Variants in ZNF638 observed in about 807,000 individuals in gnomAD.
ZNF638 encodes the protein CTCL tumor antigen se33-1.
Under a neutral mutation model 195.6 loss-of-function variants are expected in ZNF638, and 46 were observed. That is an observed-to-expected ratio of 0.24 (90% confidence interval 0.19 to 0.30). The LOEUF is 0.30. Ranked by LOEUF, ZNF638 falls within the 10% of genes least tolerant of loss-of-function variation. The probability of loss-of-function intolerance (pLI) is 1.00; values close to 1 mark genes in which losing one functional copy is unlikely to be tolerated. For missense variants in ZNF638, 2,440 were observed against 2,325.3 expected (o/e 1.05, Z -1.01); for synonymous variants, 845 against 772.0 (o/e 1.09, Z -1.57).
chr2:71,401,259 T>TC (rs370287002), intron 15 of ZNF638, among the ~76,000 whole-genome samples: 1 of 152,230 alleles, frequency 6.6e-6, no homozygotes, highest in African/African-American at 2.4e-5. Context: ...TTAGAAATTT[T>TC]CCCAGTAAGC....
At chr2:71,342,392 C>T (rs1047989827) in intron 1 of ZNF638, among the ~76,000 whole-genome samples, 1 of 152,042 alleles carries the variant, frequency 6.6e-6, no homozygotes, top group Non-Finnish European at 1.5e-5. Flanking sequence ...CACCACCGCC[C>T]CTTGCCCCAC....
chr2:71,372,972 T>C (rs1373944706), intron 8 of ZNF638, among the ~76,000 whole-genome samples: 2 of 152,234 alleles, frequency 1.3e-5, no homozygotes, highest in Admixed American at 6.5e-5. Context: ...TAACACCTTG[T>C]GTACCTTCAC....
At chr2:71,358,324 T>C (rs1292559577) in intron 3 of ZNF638, among the ~76,000 whole-genome samples, 3 of 152,190 alleles carry the variant, frequency 2.0e-5, no homozygotes, top group Non-Finnish European at 4.4e-5. Flanking sequence ...TTGGAACATA[T>C]ATATGTATGT....
At chr2:71,348,492 TCAGCACCTAGGA>T (rs2104169184) in intron 1 of ZNF638, 1 of 1,070,178 alleles carries the variant, frequency 9.3e-7, no homozygotes, top group Non-Finnish European at 1.1e-6. Context: ...TAATTACTGC[TCAGCACCTAGGA>T]CAGCACCCAG....
At chr2:71,374,246 G>A (rs1315198634) in intron 8 of ZNF638, among the ~76,000 whole-genome samples, 2 of 152,134 alleles carry the variant, frequency 1.3e-5, no homozygotes, top group African/African-American at 4.8e-5. Flanking sequence ...TCCAAAATGG[G>A]AGCCAGTTAG....
chr2:71,418,567 G>A, intron 20 of ZNF638, 35 bp from the exon 21 acceptor site: 2 of 1,443,306 alleles, frequency 1.4e-6, no homozygotes, highest in Non-Finnish European at 1.9e-6. Flanking sequence ...AAATCCAGTG[G>A]AATAGCCTCT....
chr2:71,362,487 C>G (rs57713928), intron 3 of ZNF638, among the ~76,000 whole-genome samples: 2 of 152,086 alleles, frequency 1.3e-5, no homozygotes, highest in Non-Finnish European at 2.9e-5. Flanking sequence ...TAAGGCTCTT[C>G]GTAATTTGTC....
chr2:71,380,709 A>C (rs903422336), intron 10 of ZNF638, 144 bp downstream of exon 10: 15 of 551,358 alleles, frequency 2.7e-5, no homozygotes, highest in South Asian at 2.1e-4. Flanking sequence ...TGTATTAAGC[A>C]GGCGGTTAAT....
At chr2:71,346,478 G>C (rs1200120850) in intron 1 of ZNF638, among the ~76,000 whole-genome samples, 1 of 152,180 alleles carries the variant, frequency 6.6e-6, no homozygotes, top group Non-Finnish European at 1.5e-5. Context: ...CTGTGTATTT[G>C]ATGTGTTTTT....
intron 1 of ZNF638, among the ~76,000 whole-genome samples, chr2:71,339,429 G>T (rs1019869285): frequency 6.6e-6 from 1 of 152,176 alleles, no homozygotes; most frequent in Non-Finnish European, 1.5e-5. Context: ...GGGATTACAG[G>T]CATGAGCCAC....
chr2:71,434,003 C>T (rs1191829969), intron 27 of ZNF638, among the ~76,000 whole-genome samples: 1 of 152,130 alleles, frequency 6.6e-6, no homozygotes, highest in African/African-American at 2.4e-5. Context: ...CATTCTAGGC[C>T]CAAGCTCTTA....
intron 2 of ZNF638, among the ~76,000 whole-genome samples, chr2:71,353,410 A>C (rs943378573): frequency 6.6e-6 from 1 of 152,330 alleles, no homozygotes; most frequent in Non-Finnish European, 1.5e-5. Context: ...TTTCAGTTTC[A>C]TTCTGAGCCT....
rs748269688 is a variant in ZNF638, at chr2:71,426,526, CCTT to C, written c.4660_4662del (p.Ser1554del). On this transcript the variant is annotated inframe_deletion, in exon 24 of 28. Coordinates refer to ENST00000264447, the MANE Select transcript of ZNF638 (RefSeq NM_014497.5). ...GGATGAGGTTATAGAAGAAGTGAATCCTTCTCAGGCCAAGCAGAATCCACTAAA... is the reference window on the plus strand; with the variant it reads ...GGATGAGGTTATAGAAGAAGTGAATCCTCAGGCCAAGCAGAATCCACTAAA... 4 of 1,611,978 alleles carry C rather than the reference CCTT, an allele frequency of 2.5e-6. No individual in the cohort carries two copies. The highest frequency in any genetic ancestry group is 2.7e-5 in the African/African-American group (2 of 74,664).
rs752351024 is a variant in ZNF638, at chr2:71,402,104, A to C, written c.2829+17A>C. On this transcript the variant is annotated intron_variant, in intron 16 of 27. Coordinates refer to ENST00000264447, the MANE Select transcript of ZNF638 (RefSeq NM_014497.5). ...CATAAAAAGGTAAGAGTTGATTAAT[A>C]GCTGTTCATATCCTCTGCAAGCATG... 6.3e-7 allele frequency: 1 copy of C among 1,598,122 alleles called. No homozygotes were observed. Among genetic ancestry groups the C allele is most frequent in the African/African-American group, 1.3e-5 (1 of 74,182 alleles).
chr2:71,391,445 C>G (rs1333731994), intron 10 of ZNF638, among the ~76,000 whole-genome samples: 1 of 152,170 alleles, frequency 6.6e-6, no homozygotes, highest in Non-Finnish European at 1.5e-5. Context: ...GTAAATCAGG[C>G]TTTGCTCCCC....
intron 2 of ZNF638, among the ~76,000 whole-genome samples, chr2:71,351,674 A>G (rs1023682317): frequency 1.3e-5 from 2 of 152,222 alleles, no homozygotes; most frequent in Admixed American, 1.3e-4. Flanking sequence ...TTAATTTAGT[A>G]TGTACTTATG....
intron 26 of ZNF638, among the ~76,000 whole-genome samples, chr2:71,432,487 C>T (rs2080685634): frequency 6.6e-6 from 1 of 152,214 alleles, no homozygotes; most frequent in Non-Finnish European, 1.5e-5. Context: ...AGGCTTGAGC[C>T]ACTTCTCCCA....
At chr2:71,385,666 A>C (rs370985900) in intron 10 of ZNF638, among the ~76,000 whole-genome samples, 12 of 152,318 alleles carry the variant, frequency 7.9e-5, no homozygotes, top group Admixed American at 4.6e-4. Flanking sequence ...GTGTTGGTAG[A>C]TTGTATCAAT....
intron 10 of ZNF638, chr2:71,388,847 T>G (rs2079707085): frequency 1.5e-6 from 1 of 671,002 alleles, no homozygotes; most frequent in African/African-American, 1.8e-5. Context: ...AACAACTGCT[T>G]AAAGCTAGCA....
Sources: gnomAD v4.1 joint callset for allele counts (sites outside exome capture counted in the v4.1 genomes callset) on GRCh38, gnomAD v4.1.1 for gene constraint, MANE v1.5 for transcripts, NCBI Gene and HGNC (gene_info 2026-07-23, HGNC 2026-07-21) for gene names.